LAMA2: variants seen among roughly 807,000 people sequenced by gnomAD.
The protein encoded by LAMA2 is laminin subunit alpha-2.
LAMA2 carries 269 observed loss-of-function variants against 364.8 expected under a neutral mutation model. The ratio of observed to expected loss-of-function variants is 0.74; its 90% CI spans 0.67 to 0.82. The LOEUF (loss-of-function observed/expected upper bound fraction) is 0.82. LAMA2 is among the 40% of genes least tolerant of loss of function. The probability of loss-of-function intolerance (pLI) is 0.00; values close to 1 mark genes in which losing one functional copy is unlikely to be tolerated. For missense variants in LAMA2, 3,807 were observed against 3,873.2 expected (o/e 0.98, Z 0.45); for synonymous variants, 1,379 against 1,370.6 (o/e 1.01, Z -0.14).
At chr6:129,459,951 G>A (rs1490118956) in intron 48 of LAMA2, among the ~76,000 whole-genome samples, 2 of 151,988 alleles carry the variant, frequency 1.3e-5, no homozygotes, top group African/African-American at 2.4e-5. Context: ...GATGAAAACT[G>A]GTATAGCAAA....
chr6:129,478,274 G>A (rs1362319382), intron 53 of LAMA2, among the ~76,000 whole-genome samples: 1 of 87,176 alleles, frequency 1.1e-5, no homozygotes, highest in Non-Finnish European at 3.1e-5. Context: ...AACGTTTTCA[G>A]ATTTTTTTTT....
chr6:129,303,089 A>G (rs1773648724), intron 22 of LAMA2, among the ~76,000 whole-genome samples: 1 of 152,170 alleles, frequency 6.6e-6, no homozygotes, highest in African/African-American at 2.4e-5. Context: ...GTGTATGAAC[A>G]TGGCATAACT....
chr6:128,887,515 C>G (rs1776209985), intron 1 of LAMA2, among the ~76,000 whole-genome samples: 1 of 152,014 alleles, frequency 6.6e-6, no homozygotes, highest in African/African-American at 2.4e-5. Flanking sequence ...GATTTCTGGT[C>G]TATCTTAAGA....
intron 1 of LAMA2, among the ~76,000 whole-genome samples, chr6:128,959,602 T>A (rs1014257863): frequency 2.6e-5 from 4 of 152,230 alleles, no homozygotes; most frequent in Non-Finnish European, 5.9e-5. Context: ...CCAAGATATC[T>A]TCTGGCTAAC....
chr6:128,948,784 T>C (rs1445890353), intron 1 of LAMA2, among the ~76,000 whole-genome samples: 2 of 152,110 alleles, frequency 1.3e-5, no homozygotes, highest in African/African-American at 4.8e-5. Context: ...CTGCTCTCTC[T>C]TGCTCCCACT....
chr6:128,945,106 C>T (rs187035779), intron 1 of LAMA2, among the ~76,000 whole-genome samples: 9 of 152,126 alleles, frequency 5.9e-5, no homozygotes, highest in South Asian at 2.1e-4. Context: ...GAAGAGCAGG[C>T]GTAGACAAGA....
At chr6:129,103,938 A>G (rs1034610017) in intron 4 of LAMA2, among the ~76,000 whole-genome samples, 4 of 152,148 alleles carry the variant, frequency 2.6e-5, no homozygotes, top group Non-Finnish European at 5.9e-5. Flanking sequence ...TTTCTTCCAG[A>G]CCTTCAAAAT....
chr6:129,048,317 G>T (rs1429018039), intron 1 of LAMA2, among the ~76,000 whole-genome samples: 1 of 152,048 alleles, frequency 6.6e-6, no homozygotes, highest in Non-Finnish European at 1.5e-5. Context: ...TGAGGATAAG[G>T]CAGAAAATAC....
intron 1 of LAMA2, among the ~76,000 whole-genome samples, chr6:128,966,316 A>G (rs530885907): frequency 6.6e-6 from 1 of 152,142 alleles, no homozygotes; most frequent in African/African-American, 2.4e-5. Context: ...ATAAATGTAG[A>G]GATTAGACAC....
intron 55 of LAMA2, among the ~76,000 whole-genome samples, chr6:129,485,001 G>A (rs767965819): frequency 5.3e-5 from 8 of 152,098 alleles, no homozygotes; most frequent in African/African-American, 1.4e-4. Flanking sequence ...AGAGTAGAGG[G>A]AGAAAAGTGT....
intron 1 of LAMA2, among the ~76,000 whole-genome samples, chr6:128,936,426 A>T (rs1043612855): frequency 6.6e-6 from 1 of 152,136 alleles, no homozygotes; most frequent in African/African-American, 2.4e-5. Context: ...TACATCTGAG[A>T]TGATAATATG....
intron 12 of LAMA2, among the ~76,000 whole-genome samples, chr6:129,236,761 ATATT>A (rs1307784166): frequency 1.3e-5 from 2 of 152,090 alleles, no homozygotes; most frequent in African/African-American, 4.8e-5. Flanking sequence ...AAGTATATAT[ATATT>A]TATTTTTCCT....
At chr6:129,031,181 CTG>C (rs1426779396) in intron 1 of LAMA2, among the ~76,000 whole-genome samples, 3 of 152,136 alleles carry the variant, frequency 2.0e-5, no homozygotes, top group South Asian at 2.1e-4. Flanking sequence ...TCAAATCTCA[CTG>C]TGAAAAAAAT....
chr6:129,124,941 CAGGTAAG>C (rs1777026503), intron 4 of LAMA2, among the ~76,000 whole-genome samples: 1 of 152,168 alleles, frequency 6.6e-6, no homozygotes, highest in Non-Finnish European at 1.5e-5. Context: ...TGCAAGGGAG[CAGGTAAG>C]AGGCTTTCAC....
chr6:129,037,716 ATGG>A (rs1786747774), intron 1 of LAMA2, among the ~76,000 whole-genome samples: 1 of 145,288 alleles, frequency 6.9e-6, no homozygotes, highest in African/African-American at 2.6e-5. Flanking sequence ...CCCAGGCTGG[ATGG>A]AGTGCAGTGG....
At chr6:129,282,830 A>T (rs1788820053) in intron 18 of LAMA2, among the ~76,000 whole-genome samples, 1 of 152,150 alleles carries the variant, frequency 6.6e-6, no homozygotes, top group African/African-American at 2.4e-5. Context: ...TTGAAAAAGG[A>T]TGAGCTACAT....
At chr6:129,114,313 G>A (rs1274703983) in intron 4 of LAMA2, among the ~76,000 whole-genome samples, 1 of 152,138 alleles carries the variant, frequency 6.6e-6, no homozygotes, top group East Asian at 1.9e-4. Context: ...GGGTTATTCT[G>A]AAAAATACTG....
chr6:129,353,352 GTGTT>G lies in LAMA2; in HGVS notation c.4716_4717+2del, dbSNP rs1189185386. 6.2e-7 allele frequency: 1 copy of G among 1,613,082 alleles called. No homozygotes were observed. Among genetic ancestry groups the G allele is most frequent in the Non-Finnish European group, 8.5e-7 (1 of 1,179,486 alleles). On this transcript the variant is annotated frameshift_variant and splice_region_variant, in exon 32 of 65. Coordinates refer to ENST00000421865, the MANE Select transcript of LAMA2 (RefSeq NM_000426.4). LOFTEE classifies it high-confidence loss of function. ...TGGCATGCACGCGAGGGCTGGGAGT[GTGTT>G]TGTACGTATACTAACTTTGCTGTTA...
At chr6:129,261,273 T>G (rs367545786) in intron 15 of LAMA2, among the ~76,000 whole-genome samples, 14 of 152,226 alleles carry the variant, frequency 9.2e-5, no homozygotes, top group South Asian at 6.2e-4. Flanking sequence ...ATCTGAAGCA[T>G]ATAATCTTCA....
Sources: allele counts gnomAD v4.1 joint callset (sites outside exome capture counted in the v4.1 genomes callset), GRCh38; gene constraint gnomAD v4.1.1; transcripts MANE v1.5; gene names NCBI Gene and HGNC (gene_info 2026-07-23, HGNC 2026-07-21).